NIPAL1: variants seen among roughly 807,000 people sequenced by gnomAD.
NIPAL1 encodes NIPA like domain containing 1.
NIPAL1 carries 35 observed loss-of-function variants against 37.7 expected under a neutral mutation model. The observed-to-expected ratio is 0.93, with a 90% CI of 0.71 to 1.23. The LOEUF is 1.23. Among genes scored for constraint, NIPAL1 ranks in the 50% most tolerant of loss-of-function variants. The probability of loss-of-function intolerance (pLI) is 0.00; values close to 1 mark genes in which losing one functional copy is unlikely to be tolerated. For synonymous variants in NIPAL1, 162 were observed against 183.0 expected (o/e 0.89, Z 0.93); for missense variants, 412 against 473.9 (o/e 0.87, Z 1.21).
chr4:48,019,158 C>G (rs1715517369), intron 1 of NIPAL1, among the ~76,000 whole-genome samples: 1 of 152,194 alleles, frequency 6.6e-6, no homozygotes, highest in Admixed American at 6.5e-5. Context: ...GCTGGGAATA[C>G]AGGCACATGC....
chr4:48,029,751 T>C (rs1163279117), intron 2 of NIPAL1, among the ~76,000 whole-genome samples: 1 of 152,198 alleles, frequency 6.6e-6, no homozygotes, highest in Non-Finnish European at 1.5e-5. Context: ...TGTAAAGTTC[T>C]TTAAAAAATG....
rs954678152 is a variant in NIPAL1 at position 48,038,151 on chromosome 4, T to C, written c.*1979T>C. 1.3e-5 allele frequency: 2 copies of C among 152,252 alleles called. No homozygotes were observed. The highest frequency in any genetic ancestry group is 2.9e-5 in the Non-Finnish European group (2 of 68,050). The allele number at this position is 152,252 out of a possible 1,614,324, so 9.4% of individuals were successfully genotyped here. ...CCTACCTGAGATGGCTGCAAGGCCC[T>C]AATGTTCCATTATACATTATAGTCT... is the stretch of plus-strand genomic sequence containing the variant. On this transcript the variant is annotated 3_prime_UTR_variant, in exon 6 of 6. Coordinates refer to ENST00000295461, the MANE Select transcript of NIPAL1 (RefSeq NM_207330.3).
At position 48,035,585 on chromosome 4, in the gene NIPAL1, A is replaced by G. The variant is rs1179118825; in HGVS notation, c.646A>G (p.Ile216Val). The G allele has an allele frequency of 1.9e-6, 3 of 1,611,664 alleles. No individual in the cohort carries two copies. The highest frequency in any genetic ancestry group is 2.2e-5 in the East Asian group (1 of 44,882). The change falls in exon 6 of 6, where the codon ATA becomes GTA. Residue 216 changes from isoleucine (I) to valine (V), a missense_variant. Ile to Val is a conservative substitution (Grantham distance 29). Coordinates refer to ENST00000295461, the MANE Select transcript of NIPAL1 (RefSeq NM_207330.3). ...DPGFISFAVI[I>V]TVISLVLILI... The stretch of plus-strand genomic sequence containing the variant: ...AGGGTTTATTTCCTTTGCTGTGATC[A>G]TAACTGTGATCTCCTTGGTGCTGAT...
At chr4:48,033,620 A>C (rs1715866694) in intron 4 of NIPAL1, among the ~76,000 whole-genome samples, 1 of 152,126 alleles carries the variant, frequency 6.6e-6, no homozygotes, top group African/African-American at 2.4e-5. Context: ...CAATTCTTGC[A>C]TTGTTTGCTG....
intron 3 of NIPAL1, among the ~76,000 whole-genome samples, chr4:48,032,140 T>C (rs1715836122): frequency 6.6e-6 from 1 of 152,202 alleles, no homozygotes; most frequent in African/African-American, 2.4e-5. Flanking sequence ...TCCTATAGAT[T>C]TGGGGGGATG....
rs1368606170 is a variant in NIPAL1, at chr4:48,034,946, T to G, written c.527T>G (p.Leu176Ter). Residue 176 changes from leucine to a stop codon, truncating the protein, a stop_gained, in exon 5 of 6, where the codon TTA becomes TGA. Transcript: ENST00000295461. LOFTEE classifies it high-confidence loss of function. ...ATTCATGGGAAAATAGGCTGCATAT[T>G]AAGTATATTGGGGTCAACTGTGATG... ...LNIHGKIGCI[L>*]SILGSTVMVI... The G allele has an allele frequency of 2.5e-6, 4 of 1,611,876 alleles. No homozygotes were observed. Among genetic ancestry groups the G allele is most frequent in the Non-Finnish European group, 2.5e-6 (3 of 1,178,064 alleles).
At chr4:48,025,389 AGGCCACATCTCAGCAATACTC>A in intron 2 of NIPAL1, 55 bp downstream of exon 2, 2 of 1,504,766 alleles carry the variant, frequency 1.3e-6, no homozygotes, top group Non-Finnish European at 1.8e-6. Flanking sequence ...AAATGATGTG[AGGCCACATCTCAGCAATACTC>A]TTATAAACTT....
intron 1 of NIPAL1, among the ~76,000 whole-genome samples, chr4:48,020,580 C>G (rs1183402160): frequency 6.6e-6 from 1 of 152,166 alleles, no homozygotes; most frequent in African/African-American, 2.4e-5. Flanking sequence ...CAGATCTGCT[C>G]CATGTGTCTT....
At chr4:48,018,147 T>TA (rs1410983029) in intron 1 of NIPAL1, among the ~76,000 whole-genome samples, 1 of 152,164 alleles carries the variant, frequency 6.6e-6, no homozygotes, top group Non-Finnish European at 1.5e-5. Flanking sequence ...CACAAACTAT[T>TA]AAAAAACAAA....
In NIPAL1 at chr4:48,039,480, G is replaced by A. The variant is rs1429315238; in HGVS notation, c.*3308G>A. On this transcript the variant is annotated 3_prime_UTR_variant, in exon 6 of 6. Transcript: ENST00000295461. ...CTTTGTCATCATGTACATATCTTAA[G>A]ATTTATTATGTGAATATCTGCATGT... 6.6e-6 allele frequency: 1 copy of A among 152,120 alleles called. No homozygotes were observed. Among genetic ancestry groups the A allele is most frequent in the Non-Finnish European group, 1.5e-5 (1 of 68,024 alleles). 9.4% of individuals were successfully genotyped at this position (152,120 alleles called of 1,614,324 possible). A position where few individuals can be genotyped will look rare whatever the true frequency, so the allele number is the denominator to read the frequency against.
At chr4:48,029,540 AAC>A (rs1214101059) in intron 2 of NIPAL1, among the ~76,000 whole-genome samples, 1 of 152,192 alleles carries the variant, frequency 6.6e-6, no homozygotes, top group Non-Finnish European at 1.5e-5. Flanking sequence ...AGATTTATGT[AAC>A]ACAACTACAC....
intron 1 of NIPAL1, among the ~76,000 whole-genome samples, chr4:48,024,533 G>T (rs980356228): frequency 1.5e-4 from 23 of 152,214 alleles, no homozygotes; most frequent in African/African-American, 5.5e-4. Flanking sequence ...ATCCCACCTT[G>T]GCCTCCCAAA....
At chr4:48,019,916 G>T (rs1351226024) in intron 1 of NIPAL1, among the ~76,000 whole-genome samples, 1 of 152,172 alleles carries the variant, frequency 6.6e-6, no homozygotes, top group African/African-American at 2.4e-5. Context: ...ACCCCTCAGG[G>T]TTTCTGCTTT....
chr4:48,033,758 T>G (rs577726269), intron 4 of NIPAL1, among the ~76,000 whole-genome samples: 1 of 152,260 alleles, frequency 6.6e-6, no homozygotes, highest in African/African-American at 2.4e-5. Context: ...GATAAGCATA[T>G]ACATTTTTGT....
chr4:48,039,341 C>CAAAAA lies in NIPAL1; in HGVS notation c.*3179_*3183dup, dbSNP rs199620025. On this transcript the variant is annotated 3_prime_UTR_variant, in exon 6 of 6. Transcript: ENST00000295461. The stretch of plus-strand genomic sequence containing the variant: ...CCTGGGTAACAGCAAGACTCCGTCT[C>CAAAAA]AAAAAAAAAAAAAATTCCCAAATAG... The CAAAAA allele has an allele frequency of 7.6e-6, 1 of 131,622 alleles. No individual in the cohort carries two copies. 8.2% of individuals were successfully genotyped at this position (131,622 alleles called of 1,614,324 possible).
rs768612518 is a variant in NIPAL1 at position 48,025,064 on chromosome 4, C to T, written c.47-4C>T. Reference sequence around the variant, plus strand: ...CTGACATTCTCTTCTTTCCTTTTTTCCAGGATATGTGCTGTCTCTGGTCTG... The same window carrying T: ...CTGACATTCTCTTCTTTCCTTTTTTTCAGGATATGTGCTGTCTCTGGTCTG... On this transcript the variant is annotated splice_region_variant and splice_polypyrimidine_tract_variant and intron_variant, in intron 1 of 5. Coordinates refer to ENST00000295461, the MANE Select transcript of NIPAL1 (RefSeq NM_207330.3). 1.2e-6 allele frequency: 2 copies of T among 1,606,780 alleles called. No individual in the cohort carries two copies. The highest frequency in any genetic ancestry group is 1.7e-6 in the Non-Finnish European group (2 of 1,177,360).
At chr4:48,019,195 T>G (rs1715517891) in intron 1 of NIPAL1, among the ~76,000 whole-genome samples, 1 of 152,146 alleles carries the variant, frequency 6.6e-6, no homozygotes, top group African/African-American at 2.4e-5. Flanking sequence ...TTTTTGTATT[T>G]TTAATACGGG....
rs1281794264 is a variant in NIPAL1, at chr4:48,030,174, CAAGT to C, written c.370+3_370+6del. 3.1e-5 allele frequency: 49 copies of C among 1,577,642 alleles called. No homozygotes were observed. Among genetic ancestry groups the C allele is most frequent in the Non-Finnish European group, 3.8e-5 (44 of 1,147,548 alleles). ...TGGCTCTGGTGGGTAGGATTGCTGT[CAAGT>C]AAGTTTTTAATACTGAGAATACTGT... On this transcript the variant is annotated splice_donor_variant and coding_sequence_variant, in exon 3 of 6. Coordinates refer to ENST00000295461, the MANE Select transcript of NIPAL1 (RefSeq NM_207330.3). LOFTEE classifies it high-confidence loss of function.
intron 3 of NIPAL1, among the ~76,000 whole-genome samples, chr4:48,031,087 T>G (rs62300323): frequency 0.13 from 19,787 of 152,052 alleles, 1,404 homozygotes; most frequent in East Asian, 0.26. Context: ...TTTTTTGAGA[T>G]GGAGTCCTGC....
Sources: allele counts gnomAD v4.1 joint callset (sites outside exome capture counted in the v4.1 genomes callset), GRCh38; gene constraint gnomAD v4.1.1; transcripts MANE v1.5; gene names NCBI Gene and HGNC (gene_info 2026-07-23, HGNC 2026-07-21).